GRIK2: variants seen among roughly 807,000 people sequenced by gnomAD.
GRIK2 encodes the protein glutamate receptor ionotropic, kainate 2.
Under a neutral mutation model 100.3 loss-of-function variants are expected in GRIK2, and 32 were observed. That is an observed-to-expected ratio of 0.32 (90% confidence interval 0.24 to 0.43). The LOEUF (loss-of-function observed/expected upper bound fraction) is 0.43, where lower values mean the gene tolerates loss of function less well. Ranked by LOEUF, GRIK2 falls within the 20% of genes least tolerant of loss-of-function variation. The probability of loss-of-function intolerance (pLI) is 1.00; values close to 1 mark genes in which losing one functional copy is unlikely to be tolerated. For missense variants in GRIK2, 843 were observed against 1,114.9 expected, an observed-to-expected ratio of 0.76 and a Z score of 3.47; for synonymous variants, 417 against 389.4, an observed-to-expected ratio of 1.07 and a Z score of -0.83.
chr6:101,820,985 C>T (rs1490711484), intron 10 of GRIK2, among the ~76,000 whole-genome samples: 1 of 152,118 alleles, frequency 6.6e-6, no homozygotes, highest in African/African-American at 2.4e-5. Flanking sequence ...TCAAATTTTA[C>T]ACTTTCTGAT....
rs149483177 is a variant in GRIK2 at position 101,473,046 on chromosome 6, A to G, written c.115+73654A>G. 5.6e-3 allele frequency among the ~76,000 whole-genome samples: 847 copies of G among 151,630 alleles called. 9 individuals are homozygous for G. Among genetic ancestry groups the G allele is most frequent in the African/African-American group, 0.019 (798 of 41,448 alleles). ...TTATGTTGTAAGAAATAATATATATATTATTACACCTCTAATAGAGGTTCA... is the reference window on the plus strand; with the variant it reads ...TTATGTTGTAAGAAATAATATATATGTTATTACACCTCTAATAGAGGTTCA... On this transcript the variant is annotated intron_variant, in intron 2 of 16. Transcript: ENST00000369134.
At chr6:101,609,124 A>G (rs1779565271) in intron 2 of GRIK2, among the ~76,000 whole-genome samples, 3 of 151,804 alleles carry the variant, frequency 2.0e-5, no homozygotes, top group African/African-American at 7.3e-5. Flanking sequence ...TTTCTGCATT[A>G]GATCTCTACT....
At chr6:101,752,574 T>C (rs1234289214) in intron 7 of GRIK2, among the ~76,000 whole-genome samples, 1 of 152,234 alleles carries the variant, frequency 6.6e-6, no homozygotes, top group Non-Finnish European at 1.5e-5. Context: ...CCAACTCAAA[T>C]TTAGAACTAC....
chr6:101,758,188 A>ACT (rs1162829885), intron 7 of GRIK2, among the ~76,000 whole-genome samples: 1 of 152,162 alleles, frequency 6.6e-6, no homozygotes, highest in Non-Finnish European at 1.5e-5. Flanking sequence ...GTACCACTGC[A>ACT]CTCTAGCCTG....
chr6:101,492,378 A>G (rs1773168325), intron 2 of GRIK2, among the ~76,000 whole-genome samples: 1 of 151,940 alleles, frequency 6.6e-6, no homozygotes, highest in Non-Finnish European at 1.5e-5. Flanking sequence ...CTTCAGAGAA[A>G]GTTATTGGCA....
rs951123050 is a variant in GRIK2 at position 101,688,169 on chromosome 6, C to A, written c.951+1816C>A. On this transcript the variant is annotated intron_variant, in intron 7 of 16. Coordinates refer to ENST00000369134, the MANE Select transcript of GRIK2 (RefSeq NM_021956.5). ...AGCTTTCTTTACAATTCTTTGATTT[C>A]AGGATGAATGTCTTATTATTTATTT... Among the ~76,000 whole-genome samples the A allele has an allele frequency of 4.0e-5, 6 of 148,824 alleles. No homozygotes were observed. The Admixed American group carries it at 4.0e-4, about 10-fold the overall frequency.
intron 7 of GRIK2, among the ~76,000 whole-genome samples, chr6:101,715,436 C>A (rs1246384297): frequency 6.6e-6 from 1 of 151,668 alleles, no homozygotes; most frequent in Non-Finnish European, 1.5e-5. Context: ...GAAAGAAAGA[C>A]AAGACTAATG....
At chr6:101,950,666 T>C (rs1310552713) in intron 14 of GRIK2, among the ~76,000 whole-genome samples, 3 of 152,224 alleles carry the variant, frequency 2.0e-5, no homozygotes, top group African/African-American at 7.2e-5. Flanking sequence ...TTATTTCCTA[T>C]CAGTTGTAGC....
At chr6:101,595,119 C>T (rs1778849754) in intron 2 of GRIK2, among the ~76,000 whole-genome samples, 1 of 151,072 alleles carries the variant, frequency 6.6e-6, no homozygotes, top group Non-Finnish European at 1.5e-5. Context: ...TTAGAATAGC[C>T]ACTTTTGACA....
At chr6:101,875,027 A>G (rs1263624448) in intron 11 of GRIK2, among the ~76,000 whole-genome samples, 1 of 152,152 alleles carries the variant, frequency 6.6e-6, no homozygotes, top group Non-Finnish European at 1.5e-5. Context: ...TAGATATACA[A>G]TCATGTCACT....
Position 101,924,589 on chromosome 6 carries a change from C to T in GRIK2, c.1749-12C>T, listed in dbSNP as rs1299903402. 1 of 1,323,480 alleles carries T rather than the reference C, an allele frequency of 7.6e-7. No individual in the cohort carries two copies. Among genetic ancestry groups the T allele is most frequent in the Non-Finnish European group, 1.1e-6 (1 of 920,822 alleles). 82.0% of individuals were successfully genotyped at this position (1,323,480 alleles called of 1,614,324 possible). On this transcript the variant is annotated splice_polypyrimidine_tract_variant and intron_variant, in intron 12 of 16. Transcript: ENST00000369134. ...AATTTAAATGTATTCTTTTTTCTGT[C>T]AATTACCACAGGTTTAGTCCTTATG...
intron 2 of GRIK2, among the ~76,000 whole-genome samples, chr6:101,444,752 CTCTG>C (rs1210696734): frequency 7.2e-5 from 11 of 152,078 alleles, no homozygotes; most frequent in Non-Finnish European, 1.3e-4. Context: ...ATTAACTACT[CTCTG>C]TCTGCTCACT....
intron 4 of GRIK2, among the ~76,000 whole-genome samples, chr6:101,630,956 G>A (rs2786248): frequency 0.16 from 25,017 of 151,710 alleles, 2,154 homozygotes; most frequent in African/African-American, 0.23. Flanking sequence ...TTTGATACAT[G>A]ATAATTATAC....
chr6:101,626,739 T>A (rs1269377421), intron 4 of GRIK2, 102 bp downstream of exon 4: 3 of 1,053,836 alleles, frequency 2.8e-6, no homozygotes, highest in Non-Finnish European at 2.7e-6. Flanking sequence ...TTATTTTGAG[T>A]TTTGAAAATT....
At chr6:101,664,585 G>A (rs1769871697) in intron 4 of GRIK2, among the ~76,000 whole-genome samples, 1 of 152,224 alleles carries the variant, frequency 6.6e-6, no homozygotes, top group South Asian at 2.1e-4. Flanking sequence ...ATGGCCAAAA[G>A]CACTGCTTAC....
intron 7 of GRIK2, among the ~76,000 whole-genome samples, chr6:101,751,158 C>T (rs1344576217): frequency 6.6e-6 from 1 of 152,038 alleles, no homozygotes; most frequent in African/African-American, 2.4e-5. Context: ...AGGCTGGTCT[C>T]AAACTTGCGG....
intron 1 of GRIK2, among the ~76,000 whole-genome samples, chr6:101,397,857 C>T (rs1049293548): frequency 6.6e-6 from 1 of 151,796 alleles, no homozygotes; most frequent in Admixed American, 6.6e-5. Context: ...GATGTTTAAT[C>T]TTTTAAAAAT....
intron 4 of GRIK2, among the ~76,000 whole-genome samples, chr6:101,673,370 C>T (rs1245487226): frequency 2.0e-5 from 3 of 152,148 alleles, no homozygotes; most frequent in African/African-American, 7.2e-5. Flanking sequence ...TTCCCCGGTT[C>T]TTCTCATCGG....
intron 14 of GRIK2, among the ~76,000 whole-genome samples, chr6:101,958,359 C>A (rs1005513969): frequency 6.7e-6 from 1 of 149,988 alleles, no homozygotes; most frequent in East Asian, 2.0e-4. Context: ...ATGCTACTGA[C>A]CTTTATACAT....
Sources: gnomAD v4.1 joint callset for allele counts (sites outside exome capture counted in the v4.1 genomes callset) on GRCh38, gnomAD v4.1.1 for gene constraint, MANE v1.5 for transcripts, NCBI Gene and HGNC (gene_info 2026-07-23, HGNC 2026-07-21) for gene names.